FREM1: variants seen among roughly 807,000 people sequenced by gnomAD.
The protein encoded by FREM1 is FRAS1-related extracellular matrix protein 1.
FREM1 carries 220 observed loss-of-function variants against 210.1 expected under a neutral mutation model. The ratio of observed to expected loss-of-function variants is 1.05; its 90% CI spans 0.94 to 1.17. The LOEUF is 1.17. FREM1 is among the 50% of genes most tolerant of loss of function. FREM1 has a pLI of 0.00. For missense variants in FREM1, 3,454 were observed against 2,675.5 expected, an observed-to-expected ratio of 1.29 and a Z score of -6.42; for synonymous variants, 1,189 against 980.2, an observed-to-expected ratio of 1.21 and a Z score of -3.98.
intron 24 of FREM1, among the ~76,000 whole-genome samples, chr9:14,782,127 T>TCTAGAC (rs5896648): frequency 6.6e-6 from 1 of 152,196 alleles, no homozygotes; most frequent in Non-Finnish European, 1.5e-5. Context: ...AATACAGATT[T>TCTAGAC]CTGGGCCTGA....
intron 27 of FREM1, among the ~76,000 whole-genome samples, chr9:14,764,345 A>G (rs1846023244): frequency 6.6e-6 from 1 of 152,040 alleles, no homozygotes; most frequent in Admixed American, 6.6e-5. Flanking sequence ...CATCGAAAAT[A>G]TTTTTCTCCC....
chr9:14,747,642 T>C (rs1179487548), intron 32 of FREM1, 39 bp downstream of exon 32: 1 of 1,242,706 alleles, frequency 8.0e-7, no homozygotes. Context: ...CTTGCATCCA[T>C]AAATATAAGA....
chr9:14,825,547 G>GTATATATATATATATA, intron 10 of FREM1, among the ~76,000 whole-genome samples: 1 of 75,886 alleles, frequency 1.3e-5, no homozygotes, highest in Non-Finnish European at 2.5e-5. Flanking sequence ...GTGTGTGTGT[G>GTATATATATATATATA]TATATATATA....
intron 23 of FREM1, among the ~76,000 whole-genome samples, chr9:14,786,376 A>G (rs1007011524): frequency 1.3e-5 from 2 of 152,214 alleles, no homozygotes; most frequent in Non-Finnish European, 2.9e-5. Context: ...CGTGATGTAA[A>G]TGCCAAGCTA....
intron 29 of FREM1, among the ~76,000 whole-genome samples, chr9:14,750,852 G>T (rs1374172974): frequency 2.0e-5 from 3 of 152,118 alleles, no homozygotes; most frequent in Admixed American, 2.0e-4. Flanking sequence ...GAATTTATGG[G>T]CTGGGGGTTC....
chr9:14,853,316 T>A (rs1828105848), intron 5 of FREM1, among the ~76,000 whole-genome samples: 1 of 152,232 alleles, frequency 6.6e-6, no homozygotes, highest in South Asian at 2.1e-4. Context: ...TGGTCTGGGA[T>A]CTCCTGGACC....
At chr9:14,900,315 G>A (rs1472701397) in intron 1 of FREM1, among the ~76,000 whole-genome samples, 1 of 152,178 alleles carries the variant, frequency 6.6e-6, no homozygotes, top group African/African-American at 2.4e-5. Context: ...GAGCAACCAG[G>A]ATGGAGAACC....
intron 21 of FREM1, among the ~76,000 whole-genome samples, chr9:14,797,256 C>A (rs1218182537): frequency 2.0e-5 from 3 of 152,136 alleles, no homozygotes; most frequent in Non-Finnish European, 4.4e-5. Flanking sequence ...CATTCTTATT[C>A]TTTACAACTA....
intron 35 of FREM1, among the ~76,000 whole-genome samples, chr9:14,744,862 C>A (rs1335661142): frequency 3.3e-5 from 5 of 152,114 alleles, no homozygotes; most frequent in African/African-American, 9.7e-5. Flanking sequence ...CTTCTACCAA[C>A]AACACATGAG....
chr9:14,859,631 C>A, intron 3 of FREM1, 147 bp from the exon 4 acceptor site: 2 of 656,512 alleles, frequency 3.0e-6, no homozygotes, highest in South Asian at 4.3e-5. Context: ...CTACTCCCAG[C>A]CTCTCTGTTC....
chr9:14,821,752 T>C (rs75270635), intron 13 of FREM1, among the ~76,000 whole-genome samples: 5,446 of 152,234 alleles, frequency 0.036, 301 homozygotes, highest in African/African-American at 0.12. Context: ...GGGGCTTAGA[T>C]GGTCTGGAGA....
At chr9:14,841,743 T>C (rs1284033374) in intron 9 of FREM1, among the ~76,000 whole-genome samples, 154 bp from the exon 10 acceptor site, 1 of 152,170 alleles carries the variant, frequency 6.6e-6, no homozygotes, top group African/African-American at 2.4e-5. Flanking sequence ...AGATAAATAA[T>C]AAAGCAGAAA....
intron 24 of FREM1, among the ~76,000 whole-genome samples, chr9:14,777,750 T>G (rs565331424): frequency 6.6e-6 from 1 of 152,270 alleles, no homozygotes; most frequent in Admixed American, 6.5e-5. Flanking sequence ...TGTCTTGTCC[T>G]TCAGGGTTTG....
intron 1 of FREM1, among the ~76,000 whole-genome samples, chr9:14,874,181 G>T (rs1004449547): frequency 6.6e-6 from 1 of 152,160 alleles, no homozygotes; most frequent in Non-Finnish European, 1.5e-5. Context: ...ATGCCTATTA[G>T]GTCTGCTTGG....
At chr9:14,761,539 T>C (rs941572401) in intron 27 of FREM1, among the ~76,000 whole-genome samples, 2 of 152,218 alleles carry the variant, frequency 1.3e-5, no homozygotes, top group African/African-American at 4.8e-5. Context: ...CAGAAATAAA[T>C]GACTACGGTA....
At chr9:14,906,758 T>C (rs939292521) in intron 1 of FREM1, among the ~76,000 whole-genome samples, 1 of 151,868 alleles carries the variant, frequency 6.6e-6, no homozygotes, top group African/African-American at 2.4e-5. Flanking sequence ...AAGAGAAGAG[T>C]GCACAGAGCA....
chr9:14,867,640 TTC>T (rs1411823297), intron 2 of FREM1, among the ~76,000 whole-genome samples: 7 of 152,214 alleles, frequency 4.6e-5, no homozygotes, highest in Admixed American at 4.6e-4. Flanking sequence ...AAGTCTTTTT[TTC>T]TCTCTCTGTA....
chr9:14,810,062 TGCCAAGGAAA>T (rs1233656876), intron 16 of FREM1, among the ~76,000 whole-genome samples: 1 of 152,108 alleles, frequency 6.6e-6, no homozygotes, highest in Non-Finnish European at 1.5e-5. Flanking sequence ...AGGGCATACG[TGCCAAGGAAA>T]GTCAGCAAAG....
chr9:14,879,532 G>C (rs1335295428), intron 1 of FREM1, among the ~76,000 whole-genome samples: 2 of 152,198 alleles, frequency 1.3e-5, no homozygotes, highest in East Asian at 3.8e-4. Context: ...ACATGAACAA[G>C]AATGTTGATT....
Sources: gnomAD v4.1 joint callset for allele counts (sites outside exome capture counted in the v4.1 genomes callset) on GRCh38, gnomAD v4.1.1 for gene constraint, MANE v1.5 for transcripts, NCBI Gene and HGNC (gene_info 2026-07-23, HGNC 2026-07-21) for gene names.